NTM: variants seen among roughly 807,000 people sequenced by gnomAD.
NTM encodes the protein neurotrimin, also known as IgLON family member 2.
Under a neutral mutation model 42.1 loss-of-function variants are expected in NTM, and 13 were observed. The ratio of observed to expected loss-of-function variants is 0.31; its 90% CI spans 0.20 to 0.49. NTM has a LOEUF of 0.49. NTM is among the 20% of genes least tolerant of loss of function. NTM has a pLI of 0.99. For synonymous variants in NTM, 187 were observed against 179.2 expected (o/e 1.04, Z -0.35); for missense variants, 373 against 452.8 (o/e 0.82, Z 1.60).
chr11:131,603,756 A>C (rs1209121515), intron 1 of NTM, among the ~76,000 whole-genome samples: 1 of 152,184 alleles, frequency 6.6e-6, no homozygotes, highest in Non-Finnish European at 1.5e-5. Context: ...CCTATTTTGG[A>C]CATTGAATAT....
At chr11:131,915,904 A>G (rs940872638) in intron 2 of NTM, among the ~76,000 whole-genome samples, 10 of 152,214 alleles carry the variant, frequency 6.6e-5, no homozygotes, top group Non-Finnish European at 1.2e-4. Flanking sequence ...CATAGGAATT[A>G]TGGGAGCTAC....
chr11:131,700,080 A>G (rs918552530), intron 1 of NTM, among the ~76,000 whole-genome samples: 5 of 152,120 alleles, frequency 3.3e-5, no homozygotes, highest in African/African-American at 1.2e-4. Context: ...ATGTATAGTG[A>G]TGTTGGGCAC....
intron 7 of NTM, 123 bp downstream of exon 7, chr11:132,314,826 A>G (rs2095381098): frequency 1.4e-6 from 2 of 1,393,668 alleles, no homozygotes; most frequent in Non-Finnish European, 1.9e-6. Flanking sequence ...ATGGAGAGGG[A>G]GGAAAAAAAA....
At chr11:131,450,556 T>A (rs1283886650) in intron 1 of NTM, among the ~76,000 whole-genome samples, 1 of 152,168 alleles carries the variant, frequency 6.6e-6, no homozygotes, top group African/African-American at 2.4e-5. Context: ...TGGCCAACCA[T>A]GTGCACGTAA....
intron 2 of NTM, among the ~76,000 whole-genome samples, chr11:132,106,250 A>G (rs898369728): frequency 5.9e-5 from 9 of 152,356 alleles, no homozygotes; most frequent in East Asian, 1.9e-4. Flanking sequence ...AAGGGGAGTG[A>G]TACCAACACG....
intron 1 of NTM, among the ~76,000 whole-genome samples, chr11:131,704,116 G>A (rs1433315281): frequency 6.6e-6 from 1 of 152,134 alleles, no homozygotes; most frequent in Non-Finnish European, 1.5e-5. Context: ...GGATCCCTGA[G>A]GACTCAAAGC....
rs144078378 is a variant in NTM at position 131,668,799 on chromosome 11, G to T, written c.83-242765G>T. On this transcript the variant is annotated intron_variant, in intron 1 of 8. Transcript: ENST00000683400. Reference sequence around the variant, plus strand: ...AGTCAGAATAATCTTTCCACGAAAGGTAAATGATGCAAACGTTAATTATAA... The same window carrying T: ...AGTCAGAATAATCTTTCCACGAAAGTTAAATGATGCAAACGTTAATTATAA... Among the ~76,000 whole-genome samples, 236 of 152,322 alleles carry T rather than the reference G, an allele frequency of 1.5e-3. 1 individual carries two copies. Among genetic ancestry groups the T allele is most frequent in the African/African-American group, 5.4e-3 (225 of 41,564 alleles).
chr11:131,508,299 G>A (rs1283845569), intron 1 of NTM, among the ~76,000 whole-genome samples: 1 of 145,580 alleles, frequency 6.9e-6, no homozygotes, highest in Admixed American at 6.8e-5. Context: ...CATCATCACT[G>A]GCCATCAGAG....
chr11:132,289,707 G>A (rs74710488), intron 4 of NTM, among the ~76,000 whole-genome samples: 1,836 of 152,272 alleles, frequency 0.012, 15 homozygotes, highest in Non-Finnish European at 0.018. Flanking sequence ...ACTCAGTTCC[G>A]CTGGTCATGA....
chr11:132,175,460 TGAA>T (rs1444369105), intron 3 of NTM, among the ~76,000 whole-genome samples: 1 of 152,204 alleles, frequency 6.6e-6, no homozygotes, highest in Non-Finnish European at 1.5e-5. Context: ...ATATGGCAAA[TGAA>T]GAATAACTCC....
At chr11:131,531,243 C>T (rs1269328929) in intron 1 of NTM, among the ~76,000 whole-genome samples, 3 of 152,178 alleles carry the variant, frequency 2.0e-5, no homozygotes, top group Non-Finnish European at 2.9e-5. Context: ...TCAAGTGATC[C>T]TCCTACCTCA....
chr11:132,282,556 G>C (rs1426032687), intron 4 of NTM, among the ~76,000 whole-genome samples: 1 of 152,136 alleles, frequency 6.6e-6, no homozygotes, highest in African/African-American at 2.4e-5. Context: ...CTTGTGTCTT[G>C]AAAAGCTCAT....
intron 4 of NTM, among the ~76,000 whole-genome samples, chr11:132,291,882 G>T (rs1182591471): frequency 6.6e-6 from 1 of 152,202 alleles, no homozygotes; most frequent in African/African-American, 2.4e-5. Flanking sequence ...TCGGTGGAGA[G>T]GTGTGAACAG....
At chr11:131,525,157 AG>A (rs2050293948) in intron 1 of NTM, among the ~76,000 whole-genome samples, 1 of 152,114 alleles carries the variant, frequency 6.6e-6, no homozygotes, top group South Asian at 2.1e-4. Flanking sequence ...GGCCCCAGAG[AG>A]GTCTCTCTCC....
intron 1 of NTM, among the ~76,000 whole-genome samples, chr11:131,829,886 G>A (rs2136520890): frequency 6.6e-6 from 1 of 152,268 alleles, no homozygotes; most frequent in Admixed American, 6.5e-5. Context: ...ACCAGTGTGA[G>A]ATGCTATCTC....
At chr11:131,372,073 T>TAA (rs1351403844) in intron 1 of NTM, among the ~76,000 whole-genome samples, 3 of 152,192 alleles carry the variant, frequency 2.0e-5, no homozygotes, top group African/African-American at 7.2e-5. Context: ...TCCTGCTGGC[T>TAA]CTTCTCCGAG....
intron 1 of NTM, among the ~76,000 whole-genome samples, chr11:131,474,609 G>A (rs1952747563): frequency 6.6e-6 from 1 of 151,790 alleles, no homozygotes; most frequent in African/African-American, 2.4e-5. Flanking sequence ...TTCTTGATTT[G>A]TAGCATCTCC....
At chr11:131,507,329 CTTGT>C (rs1306497217) in intron 1 of NTM, among the ~76,000 whole-genome samples, 1 of 151,508 alleles carries the variant, frequency 6.6e-6, no homozygotes, top group Admixed American at 6.6e-5. Flanking sequence ...TTCCCCATTG[CTTGT>C]TTTTCTCAGG....
chr11:131,691,054 G>A (rs2074612143), intron 1 of NTM, among the ~76,000 whole-genome samples: 1 of 152,170 alleles, frequency 6.6e-6, no homozygotes, highest in Non-Finnish European at 1.5e-5. Context: ...CGGTCTGGGT[G>A]GGCGAGTCTC....
Sources: allele counts gnomAD v4.1 joint callset (sites outside exome capture counted in the v4.1 genomes callset), GRCh38; gene constraint gnomAD v4.1.1; transcripts MANE v1.5; gene names NCBI Gene and HGNC (gene_info 2026-07-23, HGNC 2026-07-21).